SCML4: variants seen among roughly 807,000 people sequenced by gnomAD.
SCML4 encodes Scm polycomb group protein like 4, also known as sex comb on midleg-like protein 4.
Under a neutral mutation model 41.1 loss-of-function variants are expected in SCML4, and 34 were observed. That is an observed-to-expected ratio of 0.83 (90% CI 0.63 to 1.10). The LOEUF (loss-of-function observed/expected upper bound fraction) is 1.10. SCML4 is among the 50% of genes least tolerant of loss of function. The pLI, the probability that SCML4 is intolerant of heterozygous loss-of-function variation, is 0.00. For synonymous variants in SCML4, 214 were observed against 220.9 expected, an observed-to-expected ratio of 0.97 and a Z score of 0.28; for missense variants, 522 against 534.1, an observed-to-expected ratio of 0.98 and a Z score of 0.22.
chr6:107,763,678 C>T (rs1015527907), intron 2 of SCML4, among the ~76,000 whole-genome samples: 12 of 152,144 alleles, frequency 7.9e-5, no homozygotes, highest in African/African-American at 2.7e-4. Flanking sequence ...TGAGCCACTG[C>T]GCCTGGCCGG....
the SCML4 span, among the ~76,000 whole-genome samples, chr6:107,833,553 A>G: frequency 1.3e-5 from 2 of 152,190 alleles, no homozygotes; most frequent in Admixed American, 6.5e-5. Flanking sequence ...CCATCTGGGA[A>G]TGGATCCTTG....
At chr6:107,731,658 C>T (rs959951211) in intron 5 of SCML4, among the ~76,000 whole-genome samples, 6 of 152,232 alleles carry the variant, frequency 3.9e-5, no homozygotes, top group African/African-American at 1.4e-4. Context: ...CCACACCCTG[C>T]CCAGGCAATG....
At chr6:107,726,351 G>A (rs1364315403) in intron 5 of SCML4, among the ~76,000 whole-genome samples, 3 of 151,598 alleles carry the variant, frequency 2.0e-5, no homozygotes, top group Non-Finnish European at 4.4e-5. Context: ...GGCTAACACG[G>A]TGAAACCCCA....
At chr6:107,764,930 T>C (rs554164683) in intron 2 of SCML4, among the ~76,000 whole-genome samples, 138 of 152,338 alleles carry the variant, frequency 9.1e-4, no homozygotes, top group South Asian at 4.6e-3. Flanking sequence ...TACTTTTCGC[T>C]TTCCACCATG....
intron 6 of SCML4, among the ~76,000 whole-genome samples, chr6:107,717,025 C>A (rs1020733994): frequency 1.3e-5 from 2 of 151,186 alleles, no homozygotes; most frequent in Admixed American, 6.6e-5. Flanking sequence ...TTCGGCTGGG[C>A]GGGGTGGCTC....
intron 1 of SCML4, among the ~76,000 whole-genome samples, chr6:107,806,235 T>C (rs1783722509): frequency 6.6e-6 from 1 of 151,004 alleles, no homozygotes; most frequent in South Asian, 2.1e-4. Context: ...ACAATCCATA[T>C]TGTATTCAGA....
upstream of SCML4, among the ~76,000 whole-genome samples, chr6:107,828,543 T>C (rs777263629): frequency 2.6e-5 from 4 of 152,126 alleles, no homozygotes; most frequent in Non-Finnish European, 2.9e-5. Flanking sequence ...GCTTTGGATA[T>C]CAATTTGGAG....
At chr6:107,720,301 C>G (rs1583401747) in intron 6 of SCML4, 1 of 865,036 alleles carries the variant, frequency 1.2e-6, no homozygotes. Context: ...CCTTCTTTCC[C>G]TTTCTATTCC....
Position 107,729,090 on chromosome 6 carries a change from T to G in SCML4, c.683-8097A>C, listed in dbSNP as rs569694438. 4.5e-4 allele frequency among the ~76,000 whole-genome samples: 69 copies of G among 152,292 alleles called. 2 individuals carry two copies. In the South Asian group the frequency reaches 0.014, roughly 32 times the overall value. Reference sequence around the variant, plus strand: ...GCACCCAGCCCAGCATTTCCCCAAATGTTAAATGCTTTCCACTGGCGGGAC... The same window carrying G: ...GCACCCAGCCCAGCATTTCCCCAAAGGTTAAATGCTTTCCACTGGCGGGAC... On this transcript the variant is annotated intron_variant, in intron 5 of 7. Transcript: ENST00000369020.
chr6:107,803,137 C>A (rs541978503), intron 1 of SCML4, among the ~76,000 whole-genome samples: 1 of 148,084 alleles, frequency 6.8e-6, no homozygotes, highest in Admixed American at 6.6e-5. Flanking sequence ...AGCAAAGTGC[C>A]GAGATTGCGC....
chr6:107,781,226 A>C (rs568899407), intron 1 of SCML4, among the ~76,000 whole-genome samples: 4 of 152,328 alleles, frequency 2.6e-5, no homozygotes, highest in Admixed American at 2.0e-4. Context: ...AATTAGAAAC[A>C]AACCCAGTTT....
Position 107,780,772 on chromosome 6 carries a change from C to T in SCML4, c.-59-8386G>A, listed in dbSNP as rs540537549. 4.0e-5 allele frequency among the ~76,000 whole-genome samples: 6 copies of T among 151,710 alleles called. No homozygotes were observed. In the East Asian group the frequency reaches 1.2e-3, roughly 29 times the overall value. The stretch of plus-strand genomic sequence containing the variant: ...AGGACTCGTCAGAGATGACTGATTT[C>T]ATATCTTGGGGATAGAGAAGAGTCG... On this transcript the variant is annotated intron_variant, in intron 1 of 7. Transcript: ENST00000369020.
chr6:107,781,530 C>T (rs1373712492), intron 1 of SCML4, among the ~76,000 whole-genome samples: 1 of 151,906 alleles, frequency 6.6e-6, no homozygotes, highest in East Asian at 1.9e-4. Context: ...GCCTGCGCTC[C>T]CAGCTATTCA....
intron 1 of SCML4, among the ~76,000 whole-genome samples, chr6:107,799,958 T>C (rs1049224955): frequency 6.6e-6 from 1 of 151,666 alleles, no homozygotes; most frequent in Non-Finnish European, 1.5e-5. Context: ...CCACTGTGGA[T>C]ATGTTCCTTT....
intron 5 of SCML4, among the ~76,000 whole-genome samples, chr6:107,730,154 T>C (rs1278518564): frequency 6.6e-6 from 1 of 152,208 alleles, no homozygotes; most frequent in Admixed American, 6.5e-5. Context: ...AAATCCAATA[T>C]TTAAAGTCAG....
the SCML4 span, among the ~76,000 whole-genome samples, chr6:107,829,556 A>G: frequency 1.3e-5 from 2 of 152,246 alleles, no homozygotes; most frequent in South Asian, 4.1e-4. Context: ...ACACAGACAC[A>G]GGGGGAACAT....
At chr6:107,736,286 A>G (rs1359007536) in intron 5 of SCML4, among the ~76,000 whole-genome samples, 3 of 152,216 alleles carry the variant, frequency 2.0e-5, no homozygotes, top group Non-Finnish European at 4.4e-5. Context: ...TCTTTGCTAG[A>G]AGCAACACAG....
intron 1 of SCML4, among the ~76,000 whole-genome samples, chr6:107,787,391 G>C (rs996108504): frequency 6.6e-6 from 1 of 151,976 alleles, no homozygotes; most frequent in African/African-American, 2.4e-5. Context: ...CAGCAGCTGC[G>C]ACTGTCACTC....
upstream of SCML4, among the ~76,000 whole-genome samples, chr6:107,827,176 TAATTTAATA>T (rs1376260484): frequency 3.6e-4 from 53 of 147,650 alleles, no homozygotes; most frequent in East Asian, 0.01. Context: ...TTAAATTATG[TAATTTAATA>T]AATTTAATAA....
Sources: gnomAD v4.1 joint callset for allele counts (sites outside exome capture counted in the v4.1 genomes callset) on GRCh38, gnomAD v4.1.1 for gene constraint, MANE v1.5 for transcripts, NCBI Gene and HGNC (gene_info 2026-07-23, HGNC 2026-07-21) for gene names.